C9orf85: variants seen among roughly 807,000 people sequenced by gnomAD.
C9orf85 encodes the protein uncharacterized protein C9orf85.
A neutral mutation model predicts 14.9 loss-of-function variants in C9orf85; 16 were observed. The observed-to-expected ratio is 1.08, with a 90% confidence interval of 0.73 to 1.63. C9orf85 has a LOEUF of 1.63. C9orf85 is among the 40% of genes most tolerant of loss of function. The pLI is 0.00. For missense variants in C9orf85, 172 were observed against 186.1 expected, an observed-to-expected ratio of 0.92 and a Z score of 0.44; for synonymous variants, 45 against 56.8, an observed-to-expected ratio of 0.79 and a Z score of 0.93.
In C9orf85 at chr9:71,963,071, T is replaced by C. The variant is rs534903957; in HGVS notation, c.210-8434T>C. Among the ~76,000 whole-genome samples the C allele has an allele frequency of 1.2e-4, 18 of 152,064 alleles. No individual in the cohort carries two copies. The South Asian group carries it at 3.3e-3, about 28-fold the overall frequency. ...AACTCCGTCTCACCAAAAAAAAAGG[T>C]TGTGTTACTATGACAACAGTGTCAT... On this transcript the variant is annotated intron_variant, in intron 2 of 3. Coordinates refer to ENST00000334731, the MANE Select transcript of C9orf85 (RefSeq NM_182505.5).
downstream of C9orf85, among the ~76,000 whole-genome samples, chr9:71,975,854 C>T (rs1205016303): frequency 6.6e-6 from 1 of 152,074 alleles, no homozygotes; most frequent in Non-Finnish European, 1.5e-5. Flanking sequence ...ATTTTCTGTC[C>T]ATAAATTTGT....
chr9:71,931,130 T>C (rs1828061598), intron 1 of C9orf85, among the ~76,000 whole-genome samples: 1 of 152,242 alleles, frequency 6.6e-6, no homozygotes, highest in African/African-American at 2.4e-5. Flanking sequence ...AGTACCCATG[T>C]CAATCCATGT....
intron 2 of C9orf85, among the ~76,000 whole-genome samples, chr9:71,952,485 C>T (rs1447958423): frequency 6.6e-6 from 1 of 152,170 alleles, no homozygotes; most frequent in Non-Finnish European, 1.5e-5. Context: ...CTGCCTCAGC[C>T]TCCCGAGTAG....
chr9:71,918,307 C>T, intron 1 of C9orf85: 1 of 501,738 alleles, frequency 2.0e-6, no homozygotes, highest in Non-Finnish European at 3.2e-6. Flanking sequence ...TTTTAAAAGA[C>T]AACTATTTTA....
At chr9:71,918,449 G>A (rs1018811466) in intron 1 of C9orf85, 4 of 1,303,038 alleles carry the variant, frequency 3.1e-6, no homozygotes, top group Admixed American at 2.3e-5. Flanking sequence ...CTCTAGTCAT[G>A]ATGTTTGAGT....
At chr9:71,940,831 G>A (rs565966287) in intron 1 of C9orf85, among the ~76,000 whole-genome samples, 2 of 152,136 alleles carry the variant, frequency 1.3e-5, no homozygotes, top group African/African-American at 4.8e-5. Context: ...TTGGTGAATT[G>A]AATAAACATT....
At chr9:71,965,780 TGTAAACA>T (rs1822675150) in intron 2 of C9orf85, among the ~76,000 whole-genome samples, 1 of 152,132 alleles carries the variant, frequency 6.6e-6, no homozygotes, top group African/African-American at 2.4e-5. Flanking sequence ...TCAAGAAACA[TGTAAACA>T]GTGGTGACCT....
chr9:71,921,713 G>A (rs1827811654), intron 1 of C9orf85, among the ~76,000 whole-genome samples: 1 of 152,104 alleles, frequency 6.6e-6, no homozygotes, highest in African/African-American at 2.4e-5. Context: ...ATTGAGACCT[G>A]TCTCAAATTC....
chr9:71,943,623 A>G (rs558419809), intron 1 of C9orf85, among the ~76,000 whole-genome samples: 2 of 150,802 alleles, frequency 1.3e-5, no homozygotes, highest in African/African-American at 2.4e-5. Context: ...GCTCACTGCA[A>G]CCTCCAAATG....
intron 1 of C9orf85, among the ~76,000 whole-genome samples, chr9:71,913,803 A>G (rs938360328): frequency 6.8e-6 from 1 of 147,496 alleles, no homozygotes; most frequent in African/African-American, 2.4e-5. Context: ...GGTGTTATCT[A>G]ATAACTATGT....
At chr9:71,920,884 A>T (rs1827783604) in intron 1 of C9orf85, among the ~76,000 whole-genome samples, 2 of 152,194 alleles carry the variant, frequency 1.3e-5, no homozygotes, top group South Asian at 4.1e-4. Flanking sequence ...AACCAACTTA[A>T]TGGACCCCCC....
At chr9:71,946,422 T>G (rs907507566) in intron 1 of C9orf85, among the ~76,000 whole-genome samples, 1 of 152,204 alleles carries the variant, frequency 6.6e-6, no homozygotes, top group Non-Finnish European at 1.5e-5. Context: ...TTACATACTA[T>G]GAAATACACA....
At chr9:71,982,388 C>T (rs926003419) in intron 3 of C9orf85, among the ~76,000 whole-genome samples, 1 of 151,964 alleles carries the variant, frequency 6.6e-6, no homozygotes, top group Admixed American at 6.6e-5. Context: ...TTTCATTTTT[C>T]GTGGATATAT....
chr9:71,985,884 T>C (rs1823203547), downstream of C9orf85: 1 of 152,232 alleles, frequency 6.6e-6, no homozygotes. Flanking sequence ...GAAAATGTAT[T>C]TCTTAGCTTC....
chr9:71,971,866 C>G (rs998202888), intron 3 of C9orf85, among the ~76,000 whole-genome samples: 1 of 150,204 alleles, frequency 6.7e-6, no homozygotes, highest in Non-Finnish European at 1.5e-5. Context: ...CCCAATTACT[C>G]GGGAGTCTAA....
rs1217241944 is a variant in C9orf85 at position 71,972,780 on chromosome 9, G to C, written c.412G>C (p.Asp138His). The C allele has an allele frequency of 1.2e-6, 2 of 1,610,300 alleles. No homozygotes were observed. The highest frequency in any genetic ancestry group is 8.5e-7 in the Non-Finnish European group (1 of 1,177,522). Residue 138 changes from aspartate to histidine, a missense_variant, in exon 4 of 4, where the codon GAT (aspartate) becomes CAT (histidine). Physicochemically the swap from Asp to His is moderately conservative, Grantham distance 81 (BLOSUM62 -1). Coordinates refer to ENST00000334731, the MANE Select transcript of C9orf85 (RefSeq NM_182505.5). ...AAGCTGCAGAAGAAATGAAGAAAGT[G>C]ATGATGATTTAGATTTTGATATTGA... The part of the protein sequence containing the change: ...RRSCRRNEES[D>H]DDLDFDIDLE...
intron 2 of C9orf85, among the ~76,000 whole-genome samples, chr9:71,956,242 G>GTTTT (rs60432625): frequency 1.4e-4 from 7 of 50,998 alleles, no homozygotes; most frequent in Non-Finnish European, 1.9e-4. Flanking sequence ...GAATGCAAAA[G>GTTTT]TTTTTTTTTT....
chr9:71,923,683 C>T (rs1240292003), intron 1 of C9orf85, among the ~76,000 whole-genome samples: 1 of 152,212 alleles, frequency 6.6e-6, no homozygotes, highest in Admixed American at 6.5e-5. Context: ...CAGAACCTCA[C>T]TCTGCTTAGA....
chr9:71,927,109 G>GT (rs1827948165), intron 1 of C9orf85, among the ~76,000 whole-genome samples: 2 of 151,984 alleles, frequency 1.3e-5, no homozygotes, highest in African/African-American at 2.4e-5. Context: ...CAAAGCAACT[G>GT]TAAGTAGGCA....
Sources: allele counts gnomAD v4.1 joint callset (sites outside exome capture counted in the v4.1 genomes callset), GRCh38; gene constraint gnomAD v4.1.1; transcripts MANE v1.5; gene names NCBI Gene and HGNC (gene_info 2026-07-23, HGNC 2026-07-21).